DMD: variants seen among roughly 807,000 people sequenced by gnomAD.
The protein encoded by DMD is mutant dystrophin.
DMD carries 63 observed loss-of-function variants against 330.1 expected under a neutral mutation model. The ratio of observed to expected loss-of-function variants is 0.19; its 90% CI spans 0.16 to 0.24. The LOEUF (loss-of-function observed/expected upper bound fraction) is 0.24. Among genes scored for constraint, DMD ranks in the 10% least tolerant of loss-of-function variants. DMD has a pLI of 1.00. For missense variants in DMD, 3,344 were observed against 2,684.1 expected (o/e 1.25, Z -5.43); for synonymous variants, 1,223 against 959.8 (o/e 1.27, Z -5.07).
chrX:31,297,574 T>C (rs888840950), intron 62 of DMD, among the ~76,000 whole-genome samples: 3 of 111,820 alleles, frequency 2.7e-5, no homozygotes, highest in African/African-American at 9.7e-5. Flanking sequence ...AAAAGGAAGA[T>C]AGTAGGTGCT....
At chrX:33,244,439 A>T (rs1173656660) in intron 1 of DMD, among the ~76,000 whole-genome samples, 1 of 112,111 alleles carries the variant, frequency 8.9e-6, no homozygotes, top group Admixed American at 9.5e-5. Flanking sequence ...CTATATAAGG[A>T]TGGTATCAGG....
intron 60 of DMD, among the ~76,000 whole-genome samples, chrX:31,368,838 G>T (rs929131510): frequency 9.0e-6 from 1 of 110,822 alleles, no homozygotes; most frequent in African/African-American, 3.3e-5. Context: ...TAGAGACAGG[G>T]TTTCACCATG....
At chrX:32,677,854 G>A (rs1331780825) in intron 9 of DMD, among the ~76,000 whole-genome samples, 1 of 111,741 alleles carries the variant, frequency 8.9e-6, no homozygotes, top group South Asian at 3.7e-4. Flanking sequence ...TGGGAACAAC[G>A]TAAATGCCCG....
intron 34 of DMD, among the ~76,000 whole-genome samples, chrX:32,371,629 A>G (rs768786413): frequency 6.3e-5 from 7 of 111,559 alleles, no homozygotes; most frequent in Non-Finnish European, 1.3e-4. Context: ...TCCCAAACAT[A>G]ATGATCTTCA....
intron 11 of DMD, among the ~76,000 whole-genome samples, chrX:32,616,894 T>G (rs990540157): frequency 2.8e-5 from 3 of 109,005 alleles, no homozygotes; most frequent in African/African-American, 6.7e-5. Flanking sequence ...TATTAATTTA[T>G]CCATCTCTCT....
chrX:32,632,314 G>A (rs749046109), intron 11 of DMD, among the ~76,000 whole-genome samples: 47 of 111,963 alleles, frequency 4.2e-4, no homozygotes, highest in Non-Finnish European at 7.7e-4. Context: ...CTAGGGTTCA[G>A]CTTCCAAAGC....
intron 13 of DMD, among the ~76,000 whole-genome samples, chrX:32,593,085 C>G (rs1383236198): frequency 8.9e-6 from 1 of 112,853 alleles, no homozygotes; most frequent in Non-Finnish European, 1.9e-5. Context: ...GCCAGTAGTG[C>G]AAGCCAAGCA....
intron 44 of DMD, among the ~76,000 whole-genome samples, chrX:32,046,508 G>A (rs996226406): frequency 1.5e-4 from 17 of 112,102 alleles, no homozygotes; most frequent in African/African-American, 4.8e-4. Context: ...CTTAAATTTC[G>A]AAATCTACGT....
At chrX:32,731,124 C>G (rs1420285629) in intron 7 of DMD, among the ~76,000 whole-genome samples, 2 of 112,073 alleles carry the variant, frequency 1.8e-5, no homozygotes, top group African/African-American at 3.2e-5. Context: ...AGGGAGTTCC[C>G]TTTCCTAGTC....
intron 48 of DMD, among the ~76,000 whole-genome samples, chrX:31,854,316 T>C (rs546896756): frequency 2.7e-5 from 3 of 111,902 alleles, no homozygotes; most frequent in African/African-American, 6.5e-5. Flanking sequence ...AAAATAACAA[T>C]GCATACTCTA....
chrX:31,581,957 C>G (rs996732240), intron 55 of DMD, among the ~76,000 whole-genome samples: 1 of 111,751 alleles, frequency 8.9e-6, no homozygotes, highest in Non-Finnish European at 1.9e-5. Flanking sequence ...TCTTTACATA[C>G]TTGTATACCA....
At chrX:32,907,642 A>C (rs1382488956) in intron 2 of DMD, among the ~76,000 whole-genome samples, 1 of 112,053 alleles carries the variant, frequency 8.9e-6, no homozygotes, top group African/African-American at 3.2e-5. Flanking sequence ...CTGAGAGTGG[A>C]ACACAAAGGA....
chrX:32,088,677 A>AGTGTGT (rs34596391), intron 44 of DMD, among the ~76,000 whole-genome samples: 9,768 of 97,237 alleles, frequency 0.1, 448 homozygotes, highest in East Asian at 0.21. Context: ...ATAGCTCTGA[A>AGTGTGT]GTGTGTGTGT....
intron 9 of DMD, among the ~76,000 whole-genome samples, chrX:32,666,316 C>T (rs1227584835): frequency 9.0e-6 from 1 of 110,723 alleles, no homozygotes; most frequent in Non-Finnish European, 1.9e-5. Context: ...GTTTTAAGCC[C>T]TGCATGCATT....
rs2053220726 is a variant in DMD, at chrX:33,275,547, C to G, written c.7+63712G>C. ...CATTTCTGGGACAAGCTGAGACATACCATAATTATGTGTCAACACCTGAGG... is the reference window on the plus strand; with the variant it reads ...CATTTCTGGGACAAGCTGAGACATAGCATAATTATGTGTCAACACCTGAGG... On this transcript the variant is annotated intron_variant, in intron 1 of 17. Transcript: ENST00000288447. 4.5e-5 allele frequency among the ~76,000 whole-genome samples: 5 copies of G among 111,694 alleles called. No homozygotes were observed. The Admixed American group carries it at 4.8e-4, about 11-fold the overall frequency.
chrX:31,344,878 C>T (rs2058006015), intron 61 of DMD, among the ~76,000 whole-genome samples: 1 of 110,454 alleles, frequency 9.1e-6, no homozygotes, highest in Non-Finnish European at 1.9e-5. Flanking sequence ...CACACACACA[C>T]GCAACCACAA....
intron 41 of DMD, among the ~76,000 whole-genome samples, chrX:32,324,213 A>G (rs1429217714): frequency 9.0e-6 from 1 of 111,666 alleles, no homozygotes; most frequent in African/African-American, 3.3e-5. Flanking sequence ...TCCTGACTTA[A>G]TCATTATACA....
chrX:31,351,076 G>C (rs780277181), intron 60 of DMD, among the ~76,000 whole-genome samples: 2 of 109,975 alleles, frequency 1.8e-5, no homozygotes, highest in East Asian at 5.7e-4. Context: ...CTTGCAGATA[G>C]CAGGTCATGG....
intron 52 of DMD, among the ~76,000 whole-genome samples, chrX:31,726,188 C>G (rs909681335): frequency 8.9e-6 from 1 of 112,261 alleles, no homozygotes; most frequent in Non-Finnish European, 1.9e-5. Flanking sequence ...ATATAATTAC[C>G]TGAATACAAC....
Sources: allele counts gnomAD v4.1 joint callset (sites outside exome capture counted in the v4.1 genomes callset), GRCh38; gene constraint gnomAD v4.1.1; transcripts MANE v1.5; gene names NCBI Gene and HGNC (gene_info 2026-07-23, HGNC 2026-07-21).